CFAP20DC: variants seen among roughly 807,000 people sequenced by gnomAD.
CFAP20DC encodes the protein protein CFAP20DC.
In CFAP20DC, 84 loss-of-function variants were observed where a neutral mutation model predicts 101.7. The ratio of observed to expected loss-of-function variants is 0.83; its 90% CI spans 0.69 to 0.99. The LOEUF is 0.99. Among genes scored for constraint, CFAP20DC ranks in the 50% least tolerant of loss-of-function variants. The pLI, the probability that CFAP20DC is intolerant of heterozygous loss-of-function variation, is 0.00. For synonymous variants in CFAP20DC, 359 were observed against 351.2 expected, an observed-to-expected ratio of 1.02 and a Z score of -0.25; for missense variants, 1,007 against 970.3, an observed-to-expected ratio of 1.04 and a Z score of -0.50.
At chr3:58,741,540 A>C (rs2067885890), downstream of CFAP20DC, among the ~76,000 whole-genome samples, 16 of 151,128 alleles carry the variant, frequency 1.1e-4, no homozygotes, top group South Asian at 3.4e-3. Flanking sequence ...TCTGTTGCCC[A>C]GGCTGGAGTA....
chr3:59,022,372 T>C (rs1202290363), intron 4 of CFAP20DC, among the ~76,000 whole-genome samples: 3 of 152,070 alleles, frequency 2.0e-5, no homozygotes, highest in Non-Finnish European at 4.4e-5. Context: ...GGGAATTGGA[T>C]AAGATTTGTA....
chr3:58,997,409 T>A (rs921070374), intron 4 of CFAP20DC, among the ~76,000 whole-genome samples: 1 of 152,190 alleles, frequency 6.6e-6, no homozygotes, highest in African/African-American at 2.4e-5. Context: ...GAAATCTGAA[T>A]CCTCATGACA....
intron 4 of CFAP20DC, among the ~76,000 whole-genome samples, chr3:58,966,392 A>C (rs775888330): frequency 1.3e-5 from 2 of 151,984 alleles, no homozygotes; most frequent in Non-Finnish European, 2.9e-5. Context: ...CTAAGAAATA[A>C]ATACTGAGAA....
At chr3:58,766,994 T>C (rs889123826) in intron 15 of CFAP20DC, among the ~76,000 whole-genome samples, 3 of 152,218 alleles carry the variant, frequency 2.0e-5, no homozygotes, top group African/African-American at 7.2e-5. Flanking sequence ...TTAAGAGCTC[T>C]CGTCTCAGCT....
At chr3:58,923,554 T>A (rs1339444785) in intron 5 of CFAP20DC, among the ~76,000 whole-genome samples, 1 of 152,228 alleles carries the variant, frequency 6.6e-6, no homozygotes, top group Non-Finnish European at 1.5e-5. Context: ...TCCATTATCT[T>A]CTTATTTTAT....
chr3:58,807,878 T>C (rs1156560767), intron 14 of CFAP20DC, among the ~76,000 whole-genome samples: 2 of 152,184 alleles, frequency 1.3e-5, no homozygotes, highest in Admixed American at 6.5e-5. Context: ...AAGGAGCTGA[T>C]GGAGCTGAAA....
In CFAP20DC at chr3:58,869,551, G is replaced by T; in HGVS notation, c.853-61C>A. The T allele has an allele frequency of 1.5e-6, 2 of 1,302,172 alleles. No individual in the cohort carries two copies. Among genetic ancestry groups the T allele is most frequent in the Non-Finnish European group, 1.0e-6 (1 of 961,902 alleles). 80.7% of individuals were successfully genotyped at this position (1,302,172 alleles called of 1,614,324 possible). On this transcript the variant is annotated intron_variant, in intron 8 of 16. Transcript: ENST00000482387. This position sits in a 1 kb window ranked among gnomAD's most constrained non-coding sequence, Gnocchi z 4.3. ...GCAACTACATTTGTTTTCTGTAGAA[G>T]CTATATAGAAAACATAATATTTGGA...
intron 4 of CFAP20DC, among the ~76,000 whole-genome samples, chr3:59,010,147 G>GA (rs1020126230): frequency 2.6e-5 from 4 of 151,238 alleles, no homozygotes; most frequent in African/African-American, 9.7e-5. Context: ...CAGTAACAAT[G>GA]AAAAAAAACA....
chr3:58,809,904 A>G (rs1248628584), intron 14 of CFAP20DC, among the ~76,000 whole-genome samples: 1 of 152,186 alleles, frequency 6.6e-6, no homozygotes, highest in African/African-American at 2.4e-5. Context: ...ACAAACTACC[A>G]TCAGGGAATA....
At chr3:58,944,779 A>T (rs1576425755) in intron 4 of CFAP20DC, among the ~76,000 whole-genome samples, 1 of 152,084 alleles carries the variant, frequency 6.6e-6, no homozygotes, top group Non-Finnish European at 1.5e-5. Context: ...CCAGTTTTCC[A>T]ATAGGTTACA....
chr3:59,010,030 C>T (rs2093544580), intron 4 of CFAP20DC, among the ~76,000 whole-genome samples: 1 of 151,978 alleles, frequency 6.6e-6, no homozygotes, highest in South Asian at 2.1e-4. Context: ...CACTACCAAC[C>T]CAGTACTACA....
At chr3:58,760,066 G>C (rs901707144) in intron 15 of CFAP20DC, among the ~76,000 whole-genome samples, 2 of 152,192 alleles carry the variant, frequency 1.3e-5, no homozygotes, top group African/African-American at 4.8e-5. Flanking sequence ...TTCCAATTCT[G>C]TGAAGAAAGT....
chr3:58,895,701 GTAT>G (rs1418533562), intron 6 of CFAP20DC, among the ~76,000 whole-genome samples: 1 of 152,104 alleles, frequency 6.6e-6, no homozygotes, highest in Non-Finnish European at 1.5e-5. Flanking sequence ...CCAATTTACT[GTAT>G]TAGGCTGTTT....
chr3:58,763,195 C>G (rs1454373126), intron 15 of CFAP20DC, among the ~76,000 whole-genome samples: 1 of 152,226 alleles, frequency 6.6e-6, no homozygotes, highest in African/African-American at 2.4e-5. Context: ...TAGATTTGGT[C>G]TTTTCACATA....
intron 15 of CFAP20DC, among the ~76,000 whole-genome samples, chr3:58,756,459 A>G (rs1238667463): frequency 4.6e-5 from 7 of 152,120 alleles, no homozygotes; most frequent in Admixed American, 3.9e-4. Flanking sequence ...CAATGTGAGT[A>G]TATTAGTCAT....
At chr3:58,936,820 G>A (rs1043489512) in intron 5 of CFAP20DC, among the ~76,000 whole-genome samples, 1 of 151,988 alleles carries the variant, frequency 6.6e-6, no homozygotes, top group African/African-American at 2.4e-5. Flanking sequence ...TATACCTAAT[G>A]CTAAATGACG....
downstream of CFAP20DC, among the ~76,000 whole-genome samples, chr3:58,740,436 CCAT>C (rs746373658): frequency 6.6e-6 from 1 of 152,120 alleles, no homozygotes; most frequent in Admixed American, 6.5e-5. This position sits in a 1 kb window ranked among gnomAD's most constrained non-coding sequence, Gnocchi z 4.6. Context: ...AATTTGGTGG[CCAT>C]CATCATGAGA....
intron 4 of CFAP20DC, among the ~76,000 whole-genome samples, chr3:58,957,576 C>T (rs1327118882): frequency 1.3e-5 from 2 of 152,140 alleles, no homozygotes; most frequent in African/African-American, 4.8e-5. Flanking sequence ...GCACTCTTCA[C>T]AATAGCCAAG....
chr3:58,806,604 G>A (rs2074080395), intron 14 of CFAP20DC, 148 bp from the exon 15 acceptor site: 2 of 669,558 alleles, frequency 3.0e-6, no homozygotes, highest in South Asian at 3.2e-5. Context: ...CGGCCGAATA[G>A]GAACAGCTCC....
Sources: gnomAD v4.1 joint callset for allele counts (sites outside exome capture counted in the v4.1 genomes callset) on GRCh38, gnomAD v4.1.1 for gene constraint, Gnocchi (gnomAD v3.1) non-coding constraint, MANE v1.5 for transcripts, NCBI Gene and HGNC (gene_info 2026-07-23, HGNC 2026-07-21) for gene names.